Variants in VIL1 observed in about 807,000 individuals in gnomAD.
The protein encoded by VIL1 is villin 1, also known as villin-1.
A neutral mutation model predicts 104.0 loss-of-function variants in VIL1; 86 were observed. The ratio of observed to expected loss-of-function variants is 0.83; its 90% CI spans 0.69 to 0.99. VIL1 has a LOEUF of 0.99. VIL1 is among the 50% of genes least tolerant of loss of function. VIL1 has a pLI of 0.00. For synonymous variants in VIL1, 394 were observed against 412.6 expected (o/e 0.95, Z 0.55); for missense variants, 944 against 1,054.1 (o/e 0.90, Z 1.45).
chr2:218,436,400 C>T, intron 15 of VIL1, 82 bp from the exon 16 acceptor site: 1 of 1,533,344 alleles, frequency 6.5e-7, no homozygotes, highest in East Asian at 2.3e-5. Context: ...ATGCCAGAGT[C>T]CCTTCCTCAG....
rs371989782 is a variant in VIL1 at position 218,431,907 on chromosome 2, C to G, written c.1153C>G (p.Gln385Glu). The G allele has an allele frequency of 1.9e-6, 3 of 1,613,818 alleles. No individual in the cohort carries two copies. In the African/African-American group the frequency reaches 4.0e-5, roughly 22 times the overall value. ...TGCCACATCCATGCATGTCAAGCCT[C>G]AGGTGGCTGCCCAGCAGAAGATGGT... ...FDATSMHVKP[Q>E]VAAQQKMVDD... The change falls in exon 11 of 20, where the codon CAG becomes GAG. Residue 385 changes from glutamine (Q) to glutamate (E), a missense_variant. By Grantham distance (29) the Gln-to-Glu change is conservative (BLOSUM62 2). Transcript: ENST00000248444.
At chr2:218,428,691 AAC>A (rs879482036) in intron 6 of VIL1, among the ~76,000 whole-genome samples, 4 of 152,042 alleles carry the variant, frequency 2.6e-5, no homozygotes, top group Admixed American at 6.6e-5. Context: ...TTTTTTTGGA[AAC>A]ACAGTTTTGC....
chr2:218,446,908 C>T (rs1288036348), intron 19 of VIL1, among the ~76,000 whole-genome samples: 2 of 151,780 alleles, frequency 1.3e-5, no homozygotes, highest in Non-Finnish European at 2.9e-5. Flanking sequence ...GGATTACAGG[C>T]GCCTGCCACC....
chr2:218,441,311 C>T (rs1168195836), intron 19 of VIL1, among the ~76,000 whole-genome samples: 1 of 151,188 alleles, frequency 6.6e-6, no homozygotes. Context: ...ATTGCTTGAA[C>T]CCGGGAGGTG....
At position 218,438,532 on chromosome 2, in the gene VIL1, T is replaced by C. The variant is rs533707911; in HGVS notation, c.2161-126T>C. 66 of 856,330 alleles carry C rather than the reference T, an allele frequency of 7.7e-5. No homozygotes were observed. In the South Asian group the frequency reaches 8.7e-4, roughly 11 times the overall value. 53.0% of individuals were successfully genotyped at this position (856,330 alleles called of 1,614,324 possible). Reference sequence around the variant, plus strand: ...GACCCTCCTCCAGCCTCAGCCTTCATATCCTCTTTCCTTTCTTACCACTAG... The same window carrying C: ...GACCCTCCTCCAGCCTCAGCCTTCACATCCTCTTTCCTTTCTTACCACTAG... On this transcript the variant is annotated intron_variant, in intron 17 of 19. Coordinates refer to ENST00000248444, the MANE Select transcript of VIL1 (RefSeq NM_007127.3).
At chr2:218,448,002 AT>A in intron 19 of VIL1, among the ~76,000 whole-genome samples, 1 of 152,230 alleles carries the variant, frequency 6.6e-6, no homozygotes, top group East Asian at 1.9e-4. Context: ...GCTCATGCTT[AT>A]AATCCCAGCA....
rs34676834 is a variant in VIL1, at chr2:218,438,926, A to ATTTT, written c.2229+219_2229+222dup. Among the ~76,000 whole-genome samples the ATTTT allele has an allele frequency of 5.0e-4, 54 of 107,618 alleles. 1 individual carries two copies. Among genetic ancestry groups the ATTTT allele is most frequent in the African/African-American group, 1.1e-3 (30 of 27,930 alleles). 70.6% of individuals were successfully genotyped at this position (107,618 alleles called of 152,430 possible). A position where few individuals can be genotyped will look rare whatever the true frequency, so the allele number is the denominator to read the frequency against. On this transcript the variant is annotated intron_variant, in intron 18 of 19. Transcript: ENST00000248444. Reference sequence around the variant, plus strand: ...CAATTTCCTAGTGAAATGGTTCTCAATTTTTTTTTTTTTTTTTTTTTTGAG... The same window carrying ATTTT: ...CAATTTCCTAGTGAAATGGTTCTCAATTTTTTTTTTTTTTTTTTTTTTTTTTGAG...
At position 218,450,160 on chromosome 2, in the gene VIL1, A is replaced by G. The variant is rs117142709; in HGVS notation, c.*824A>G. The G allele has an allele frequency of 6.6e-6, 1 of 152,364 alleles. No homozygotes were observed. Among genetic ancestry groups the G allele is most frequent in the East Asian group, 1.9e-4 (1 of 5,194 alleles). 9.4% of individuals were successfully genotyped at this position (152,364 alleles called of 1,614,324 possible). A position where few individuals can be genotyped will look rare whatever the true frequency, so the allele number is the denominator to read the frequency against. ...TGCTGCAAGGAAGTCCATGTCAGAA[A>G]GCCAACAGAAGGTGATTTCCACAAC... On this transcript the variant is annotated 3_prime_UTR_variant, in exon 20 of 20. Transcript: ENST00000248444.
At chr2:218,437,435 G>A in intron 17 of VIL1, 123 bp downstream of exon 17, 2 of 1,285,702 alleles carry the variant, frequency 1.6e-6, no homozygotes, top group Non-Finnish European at 2.1e-6. Context: ...GCTAGAGGAG[G>A]CTTAGAATAG....
In VIL1 at chr2:218,429,270, G is replaced by A; in HGVS notation, c.568-15G>A. 6.2e-7 allele frequency: 1 copy of A among 1,605,306 alleles called. No homozygotes were observed. The highest frequency in any genetic ancestry group is 2.2e-5 in the East Asian group (1 of 44,740). On this transcript the variant is annotated splice_polypyrimidine_tract_variant and intron_variant, in intron 6 of 19. Coordinates refer to ENST00000248444, the MANE Select transcript of VIL1 (RefSeq NM_007127.3). ...CCCGACTACTCCCGATGGGTCACCA[G>A]GGGCCTTCCTGCAGGGCATGACTCT... is the stretch of plus-strand genomic sequence containing the variant.
In VIL1 at chr2:218,449,425, G is replaced by A. The variant is rs1689429066; in HGVS notation, c.*89G>A. ...ATATTAGTCCTACACCAATTGAAGT[G>A]AAATTTTGCAGATGTGCCTATGAGC... On this transcript the variant is annotated 3_prime_UTR_variant, in exon 20 of 20. Transcript: ENST00000248444. The A allele has an allele frequency of 3.5e-6, 4 of 1,153,596 alleles. No homozygotes were observed. The highest frequency in any genetic ancestry group is 5.2e-6 in the Non-Finnish European group (4 of 774,372). 71.5% of individuals were successfully genotyped at this position (1,153,596 alleles called of 1,614,324 possible).
chr2:218,444,988 A>G (rs563945551), intron 19 of VIL1, among the ~76,000 whole-genome samples: 1 of 152,308 alleles, frequency 6.6e-6, no homozygotes, highest in South Asian at 2.1e-4. Flanking sequence ...GACCTAGGAC[A>G]TAGCAGCCAC....
intron 2 of VIL1, among the ~76,000 whole-genome samples, chr2:218,424,066 C>T (rs1398181857): frequency 2.0e-5 from 3 of 152,122 alleles, no homozygotes; most frequent in Non-Finnish European, 4.4e-5. Context: ...CCTTCCTCTC[C>T]ACTTCCTCTT....
intron 19 of VIL1, among the ~76,000 whole-genome samples, chr2:218,444,680 G>C (rs942254304): frequency 6.6e-6 from 1 of 152,158 alleles, no homozygotes; most frequent in African/African-American, 2.4e-5. Flanking sequence ...AGATCTCTCT[G>C]TCTGCTCCAA....
chr2:218,433,986 T>A lies in VIL1; in HGVS notation c.1501-540T>A, dbSNP rs1460569878. ...CCAAGGCGGGCGGATCTCCTGAGGTTGGGAGTTCGAGACCAGCCTGACCAA... is the reference window on the plus strand; with the variant it reads ...CCAAGGCGGGCGGATCTCCTGAGGTAGGGAGTTCGAGACCAGCCTGACCAA... On this transcript the variant is annotated intron_variant, in intron 13 of 19. Transcript: ENST00000248444. Among the ~76,000 whole-genome samples the A allele has an allele frequency of 2.0e-5, 3 of 151,386 alleles. No individual in the cohort carries two copies. The East Asian group carries it at 5.8e-4, about 29-fold the overall frequency.
In VIL1 at chr2:218,452,193, G is replaced by C. The variant is rs918975485; in HGVS notation, c.*2857G>C. On this transcript the variant is annotated 3_prime_UTR_variant, in exon 20 of 20. Transcript: ENST00000248444. ...AATTGCCATCAAGTTCCAATTCAAT[G>C]TCATTTAAAGTAATGTAACCACACA... The C allele has an allele frequency of 6.6e-6, 1 of 152,078 alleles. No individual in the cohort carries two copies. The highest frequency in any genetic ancestry group is 1.5e-5 in the Non-Finnish European group (1 of 68,014). 9.4% of individuals were successfully genotyped at this position (152,078 alleles called of 1,614,324 possible).
In VIL1 at chr2:218,430,734, AAAGCC is replaced by A; in HGVS notation, c.963_967del (p.Lys322ValfsTer12). On this transcript the variant is annotated frameshift_variant, in exon 10 of 20. Coordinates refer to ENST00000248444, the MANE Select transcript of VIL1 (RefSeq NM_007127.3). LOFTEE classifies it high-confidence loss of function. ...CCCCTTTCTCTTCCAGAACTTCATCAAAGCCAAGCAGTACCCACCAAGCACACAGG... is the reference window on the plus strand; with the variant it reads ...CCCCTTTCTCTTCCAGAACTTCATCAAAGCAGTACCCACCAAGCACACAGG... The A allele has an allele frequency of 6.3e-7, 1 of 1,587,438 alleles. No homozygotes were observed. The highest frequency in any genetic ancestry group is 8.6e-7 in the Non-Finnish European group (1 of 1,165,480).
At chr2:218,427,876 A>G in intron 4 of VIL1, 89 bp from the exon 5 acceptor site, 1 of 1,259,046 alleles carries the variant, frequency 7.9e-7, no homozygotes, top group Non-Finnish European at 1.1e-6. Context: ...CCCTCACGTG[A>G]CCCCAGCGTG....
chr2:218,447,751 G>C (rs899598030), intron 19 of VIL1, among the ~76,000 whole-genome samples: 11 of 148,262 alleles, frequency 7.4e-5, no homozygotes, highest in African/African-American at 2.5e-4. Flanking sequence ...TTTTTTTTTT[G>C]AGATGGAAAA....
Sources: gnomAD v4.1 joint callset for allele counts (sites outside exome capture counted in the v4.1 genomes callset) on GRCh38, gnomAD v4.1.1 for gene constraint, MANE v1.5 for transcripts, NCBI Gene and HGNC (gene_info 2026-07-23, HGNC 2026-07-21) for gene names.